CEP57L1: variants seen among roughly 807,000 people sequenced by gnomAD.
CEP57L1 encodes the protein centrosomal protein 57 like 1, also known as centrosomal protein CEP57L1.
In CEP57L1, 37 loss-of-function variants were observed where a neutral mutation model predicts 61.0. That is an observed-to-expected ratio of 0.61 (90% CI 0.47 to 0.80). The LOEUF is 0.80. Among genes scored for constraint, CEP57L1 ranks in the 30% least tolerant of loss-of-function variants. CEP57L1 has a pLI of 0.00. For synonymous variants in CEP57L1, 137 were observed against 162.3 expected, an observed-to-expected ratio of 0.84 and a Z score of 1.19; for missense variants, 422 against 524.7, an observed-to-expected ratio of 0.80 and a Z score of 1.91.
chr6:109,107,315 A>G (rs1379771854), intron 1 of CEP57L1, among the ~76,000 whole-genome samples: 4 of 151,954 alleles, frequency 2.6e-5, no homozygotes, highest in Non-Finnish European at 5.9e-5. Context: ...TTGGCTATAT[A>G]TTTTTTTAAA....
At position 109,163,173 on chromosome 6, in the gene CEP57L1, A is replaced by G; in HGVS notation, c.*203A>G. On this transcript the variant is annotated 3_prime_UTR_variant, in exon 11 of 11. Coordinates refer to ENST00000517392, the MANE Select transcript of CEP57L1 (RefSeq NM_001271852.3). ...AATTAATTGCTTTTTTATTTTTCTT[A>G]TTGATTGAAGCCCGTAACCTCATCT... 1 of 467,788 alleles carries G rather than the reference A, an allele frequency of 2.1e-6. No individual in the cohort carries two copies. Among genetic ancestry groups the G allele is most frequent in the Non-Finnish European group, 3.8e-6 (1 of 264,078 alleles). 29.0% of individuals were successfully genotyped at this position (467,788 alleles called of 1,614,324 possible).
chr6:109,125,201 A>G (rs918040604), intron 1 of CEP57L1, among the ~76,000 whole-genome samples: 1 of 152,160 alleles, frequency 6.6e-6, no homozygotes, highest in Admixed American at 6.6e-5. Context: ...GAGTCATCCT[A>G]AAGGTTAAAT....
intron 1 of CEP57L1, among the ~76,000 whole-genome samples, chr6:109,127,263 A>C (rs369654851): frequency 6.6e-6 from 1 of 152,260 alleles, no homozygotes; most frequent in Non-Finnish European, 1.5e-5. Context: ...GAGGCTGCTT[A>C]GTAAAAATTT....
rs1246103495 is a variant in CEP57L1, at chr6:109,169,631, A to G, written c.*6661A>G. Among the ~76,000 whole-genome samples, 3 of 152,224 alleles carry G rather than the reference A, an allele frequency of 2.0e-5. No homozygotes were observed. The highest frequency in any genetic ancestry group is 1.5e-5 in the Non-Finnish European group (1 of 68,034). On this transcript the variant is annotated 3_prime_UTR_variant, in exon 11 of 11. Transcript: ENST00000517392. The stretch of plus-strand genomic sequence containing the variant: ...CTAATGTGGGCAAATAAATACATTC[A>G]GTATGAATCCCTTAACAAAATGACC...
At chr6:109,120,475 T>C (rs776170405) in intron 1 of CEP57L1, among the ~76,000 whole-genome samples, 1 of 152,154 alleles carries the variant, frequency 6.6e-6, no homozygotes, top group Non-Finnish European at 1.5e-5. Context: ...AAGATGATTA[T>C]CTTCAGAGAG....
intron 1 of CEP57L1, among the ~76,000 whole-genome samples, chr6:109,136,394 A>G (rs1173148242): frequency 6.6e-6 from 1 of 152,192 alleles, no homozygotes; most frequent in Non-Finnish European, 1.5e-5. Context: ...GAAGGGGAAC[A>G]TCACACACCG....
intron 1 of CEP57L1, among the ~76,000 whole-genome samples, chr6:109,098,983 C>G (rs1395050397): frequency 6.6e-6 from 1 of 152,176 alleles, no homozygotes; most frequent in African/African-American, 2.4e-5. Flanking sequence ...TTCAAAGTTT[C>G]TAACCTGAGT....
chr6:109,124,554 A>C (rs552191719), intron 1 of CEP57L1, among the ~76,000 whole-genome samples: 9 of 152,358 alleles, frequency 5.9e-5, no homozygotes, highest in African/African-American at 1.7e-4. Flanking sequence ...TCTGTAAAAT[A>C]GGAATAATTG....
intron 1 of CEP57L1, chr6:109,130,742 G>C (rs575290890): frequency 6.6e-6 from 1 of 150,742 alleles, no homozygotes; most frequent in Admixed American, 6.6e-5. Flanking sequence ...TGAGATTCAG[G>C]TTATGCTTTC....
intron 1 of CEP57L1, among the ~76,000 whole-genome samples, chr6:109,116,596 T>C (rs1772341057): frequency 6.6e-6 from 1 of 152,212 alleles, no homozygotes; most frequent in South Asian, 2.1e-4. Context: ...CATAAAGCTT[T>C]TGATAAGAGG....
intron 7 of CEP57L1, chr6:109,157,746 A>G (rs542603090): frequency 1.3e-5 from 2 of 152,326 alleles, no homozygotes; most frequent in South Asian, 4.1e-4. Context: ...CTTTTATTCT[A>G]TAAACAGGAA....
In CEP57L1 at chr6:109,164,531, G is replaced by A. The variant is rs1478909801; in HGVS notation, c.*1561G>A. 6.6e-6 allele frequency among the ~76,000 whole-genome samples: 1 copy of A among 152,092 alleles called. No individual in the cohort carries two copies. Among genetic ancestry groups the A allele is most frequent in the Non-Finnish European group, 1.5e-5 (1 of 68,024 alleles). On this transcript the variant is annotated 3_prime_UTR_variant, in exon 11 of 11. Transcript: ENST00000517392. ...TCCTCAGCCCTGGAGATGTTCCATAGGGTGTTTGATCTAAACTCAGTTGCA... is the reference window on the plus strand; with the variant it reads ...TCCTCAGCCCTGGAGATGTTCCATAAGGTGTTTGATCTAAACTCAGTTGCA...
intron 1 of CEP57L1, among the ~76,000 whole-genome samples, chr6:109,102,032 A>T (rs1782496167): frequency 6.6e-6 from 1 of 152,140 alleles, no homozygotes; most frequent in African/African-American, 2.4e-5. Flanking sequence ...TTTGGACTTT[A>T]GCTGTTCTAA....
At chr6:109,162,012 T>G (rs1278311185) in intron 10 of CEP57L1, among the ~76,000 whole-genome samples, 1 of 152,104 alleles carries the variant, frequency 6.6e-6, no homozygotes, top group African/African-American at 2.4e-5. Context: ...TGATATGTAT[T>G]GTTTTTGTTT....
intron 1 of CEP57L1, among the ~76,000 whole-genome samples, chr6:109,122,111 G>A (rs532939834): frequency 2.0e-4 from 31 of 152,118 alleles, no homozygotes; most frequent in Non-Finnish European, 4.3e-4. Flanking sequence ...TTTGCATTTC[G>A]CTCTGCCAGT....
At chr6:109,150,327 G>A in intron 4 of CEP57L1, 88 bp downstream of exon 4, 6 of 1,508,548 alleles carry the variant, frequency 4.0e-6, no homozygotes, top group Non-Finnish European at 5.4e-6. Flanking sequence ...CAAAGGCAAA[G>A]GTGGCATAAT....
intron 4 of CEP57L1, 131 bp from the exon 5 acceptor site, chr6:109,153,702 T>C (rs1226321648): frequency 4.5e-6 from 3 of 668,022 alleles, no homozygotes; most frequent in Non-Finnish European, 8.0e-6. Flanking sequence ...CTAAAGTATG[T>C]GTGTTTGTTT....
chr6:109,156,774 G>T (rs899215434), intron 7 of CEP57L1: 1 of 151,918 alleles, frequency 6.6e-6, no homozygotes, highest in Admixed American at 6.6e-5. Context: ...CTTTTATTAC[G>T]TAAATAAAAA....
At chr6:109,098,603 T>G (rs1781999723) in intron 1 of CEP57L1, among the ~76,000 whole-genome samples, 1 of 151,920 alleles carries the variant, frequency 6.6e-6, no homozygotes, top group African/African-American at 2.4e-5. Context: ...CCCAGCTAAT[T>G]TTGTATTTTT....
Sources: gnomAD v4.1 joint callset for allele counts (sites outside exome capture counted in the v4.1 genomes callset) on GRCh38, gnomAD v4.1.1 for gene constraint, MANE v1.5 for transcripts, NCBI Gene and HGNC (gene_info 2026-07-23, HGNC 2026-07-21) for gene names.